AKT3: variants seen among roughly 807,000 people sequenced by gnomAD.
AKT3 encodes the protein AKT serine/threonine kinase 3.
Under a neutral mutation model 65.3 loss-of-function variants are expected in AKT3, and 15 were observed. That is an observed-to-expected ratio of 0.23 (90% confidence interval 0.15 to 0.35). The LOEUF (loss-of-function observed/expected upper bound fraction) is 0.35, where lower values mean the gene tolerates loss of function less well. Among genes scored for constraint, AKT3 ranks in the 10% least tolerant of loss-of-function variants. The pLI, the probability that AKT3 is intolerant of heterozygous loss-of-function variation, is 1.00. For synonymous variants in AKT3, 206 were observed against 183.8 expected, an observed-to-expected ratio of 1.12 and a Z score of -0.98; for missense variants, 243 against 576.5, an observed-to-expected ratio of 0.42 and a Z score of 5.92.
At chr1:243,642,441 C>G (rs948448733) in intron 5 of AKT3, among the ~76,000 whole-genome samples, 2 of 152,196 alleles carry the variant, frequency 1.3e-5, no homozygotes, top group African/African-American at 2.4e-5. Context: ...TCCCGAGTAG[C>G]TGGGACTACA....
intron 3 of AKT3, among the ~76,000 whole-genome samples, chr1:243,690,491 C>T (rs1572176835): frequency 6.6e-6 from 1 of 152,256 alleles, no homozygotes; most frequent in South Asian, 2.1e-4. Flanking sequence ...TAGAGATGTA[C>T]TATGCTTGAA....
intron 12 of AKT3, among the ~76,000 whole-genome samples, chr1:243,526,569 A>G (rs1367262036): frequency 6.6e-6 from 1 of 152,148 alleles, no homozygotes; most frequent in East Asian, 1.9e-4. Flanking sequence ...ACATATTACA[A>G]AGCCATCACA....
intron 12 of AKT3, among the ~76,000 whole-genome samples, chr1:243,537,311 T>A (rs1262997707): frequency 1.1e-4 from 16 of 152,120 alleles, no homozygotes. Flanking sequence ...CAGCTCTAAT[T>A]AAACTCTGAA....
intron 2 of AKT3, among the ~76,000 whole-genome samples, chr1:243,800,419 A>G (rs1692308773): frequency 1.3e-5 from 2 of 152,204 alleles, no homozygotes; most frequent in South Asian, 4.1e-4. Flanking sequence ...CACTTCTAAG[A>G]TTTAAGGAAG....
At chr1:243,702,910 T>G (rs982387181) in intron 2 of AKT3, 4 of 152,188 alleles carry the variant, frequency 2.6e-5, no homozygotes, top group Non-Finnish European at 5.9e-5. Context: ...CATAAAAATA[T>G]AAACATTTTA....
At chr1:243,819,559 T>C (rs1693732572) in intron 2 of AKT3, among the ~76,000 whole-genome samples, 1 of 152,188 alleles carries the variant, frequency 6.6e-6, no homozygotes, top group Non-Finnish European at 1.5e-5. Flanking sequence ...CTTAAGTCTT[T>C]CTCCCTGCTG....
intron 12 of AKT3, among the ~76,000 whole-genome samples, chr1:243,543,841 A>G (rs1672476074): frequency 1.3e-5 from 2 of 152,238 alleles, no homozygotes; most frequent in South Asian, 4.1e-4. Context: ...AATCGAGTAG[A>G]GGTGTCTAAT....
chr1:243,507,211 G>C (rs2994334), intron 13 of AKT3, among the ~76,000 whole-genome samples: 6,961 of 152,266 alleles, frequency 0.046, 547 homozygotes, highest in African/African-American at 0.16. Flanking sequence ...ATTCCAGCCC[G>C]GCGAGGTTCA....
intron 13 of AKT3, among the ~76,000 whole-genome samples, chr1:243,493,404 G>A (rs1667056059): frequency 6.6e-6 from 1 of 152,178 alleles, no homozygotes; most frequent in African/African-American, 2.4e-5. Context: ...AATGGCATCT[G>A]GGACAGGGGA....
At chr1:243,523,284 C>G (rs1306567324) in intron 12 of AKT3, among the ~76,000 whole-genome samples, 1 of 151,254 alleles carries the variant, frequency 6.6e-6, no homozygotes, top group East Asian at 1.9e-4. Context: ...CACACACACA[C>G]ACACACACAC....
chr1:243,557,992 G>A (rs1218687185), intron 10 of AKT3, among the ~76,000 whole-genome samples: 1 of 152,030 alleles, frequency 6.6e-6, no homozygotes, highest in Non-Finnish European at 1.5e-5. Flanking sequence ...AGACTAATCA[G>A]AATGTAACTA....
intron 10 of AKT3, among the ~76,000 whole-genome samples, chr1:243,555,288 G>T (rs1673336483): frequency 6.6e-6 from 1 of 152,018 alleles, no homozygotes; most frequent in African/African-American, 2.4e-5. Flanking sequence ...AAAGATTTTT[G>T]TCCAAATCCT....
At chr1:243,581,398 T>C (rs1675338103) in intron 8 of AKT3, among the ~76,000 whole-genome samples, 1 of 152,172 alleles carries the variant, frequency 6.6e-6, no homozygotes, top group African/African-American at 2.4e-5. Context: ...TACCTCTAAG[T>C]GCCATCTACA....
At chr1:243,789,891 A>G (rs991006767) in intron 2 of AKT3, among the ~76,000 whole-genome samples, 21 of 152,250 alleles carry the variant, frequency 1.4e-4, no homozygotes, top group African/African-American at 4.8e-4. Flanking sequence ...TTGGGTGACC[A>G]GGTCCACTGT....
chr1:243,624,851 C>A (rs746067601), intron 6 of AKT3: 9 of 208,462 alleles, frequency 4.3e-5, no homozygotes, highest in Admixed American at 9.0e-5. Flanking sequence ...TCATCAAACT[C>A]TTCTCCCAGA....
At chr1:243,522,890 C>T (rs1558585653) in intron 12 of AKT3, among the ~76,000 whole-genome samples, 1 of 150,706 alleles carries the variant, frequency 6.6e-6, no homozygotes, top group Non-Finnish European at 1.5e-5. Context: ...TGACCAAGAC[C>T]CTCTCTCTCT....
Position 243,500,662 on chromosome 1 carries a change from G to A in AKT3, c.*4587C>T. The A allele has an allele frequency of 4.3e-6, 1 of 229,950 alleles. No homozygotes were observed. 14.2% of individuals were successfully genotyped at this position (229,950 alleles called of 1,614,324 possible). A position where few individuals can be genotyped will look rare whatever the true frequency, so the allele number is the denominator to read the frequency against. On this transcript the variant is annotated 3_prime_UTR_variant, in exon 14 of 14. Transcript: ENST00000673466. ...AGTTAGGACAGGTCCCTGACCTTCGGCTGCCCTGCCTGGCCAGCGAGCCAT... is the reference window on the plus strand; with the variant it reads ...AGTTAGGACAGGTCCCTGACCTTCGACTGCCCTGCCTGGCCAGCGAGCCAT...
At chr1:243,748,469 TAGAA>T (rs1243697647) in intron 2 of AKT3, among the ~76,000 whole-genome samples, 6 of 152,124 alleles carry the variant, frequency 3.9e-5, no homozygotes, top group African/African-American at 1.2e-4. Flanking sequence ...CTTCACCACT[TAGAA>T]AGAAGCAGCT....
At chr1:243,817,088 C>T (rs1374488400) in intron 2 of AKT3, among the ~76,000 whole-genome samples, 1 of 152,112 alleles carries the variant, frequency 6.6e-6, no homozygotes, top group African/African-American at 2.4e-5. Context: ...TAGAGAGAGG[C>T]AACATGGAGG....
Sources: allele counts gnomAD v4.1 joint callset (sites outside exome capture counted in the v4.1 genomes callset), GRCh38; gene constraint gnomAD v4.1.1; transcripts MANE v1.5; gene names NCBI Gene and HGNC (gene_info 2026-07-23, HGNC 2026-07-21).